Variants in INTS4 observed in about 807,000 individuals in gnomAD.
INTS4 encodes the protein MSTP093.
Under a neutral mutation model 119.5 loss-of-function variants are expected in INTS4, and 70 were observed. The observed-to-expected ratio is 0.59, with a 90% confidence interval of 0.48 to 0.71. The LOEUF is 0.71. INTS4 is among the 30% of genes least tolerant of loss of function. INTS4 has a pLI of 0.00. For missense variants in INTS4, 867 were observed against 1,173.2 expected (o/e 0.74, Z 3.81); for synonymous variants, 316 against 419.6 (o/e 0.75, Z 3.02).
intron 10 of INTS4, among the ~76,000 whole-genome samples, chr11:77,931,283 T>C (rs907326515): frequency 6.6e-6 from 1 of 152,072 alleles, no homozygotes; most frequent in Non-Finnish European, 1.5e-5. Context: ...ATTAGAAGAC[T>C]AGAAGTATGT....
intron 14 of INTS4, among the ~76,000 whole-genome samples, chr11:77,920,424 G>A (rs1234760453): frequency 1.3e-5 from 2 of 151,376 alleles, no homozygotes; most frequent in Non-Finnish European, 2.9e-5. Context: ...CAGCATTCAC[G>A]AAGTGTTTGC....
chr11:77,939,087 T>C (rs1337547219), intron 9 of INTS4, among the ~76,000 whole-genome samples: 2 of 152,246 alleles, frequency 1.3e-5, no homozygotes, highest in Non-Finnish European at 2.9e-5. Flanking sequence ...TTATGTTTGC[T>C]GTGGCAGCAA....
At chr11:77,967,138 GTCT>G (rs758824595) in intron 4 of INTS4, among the ~76,000 whole-genome samples, 13 of 152,032 alleles carry the variant, frequency 8.6e-5, no homozygotes, top group Non-Finnish European at 1.6e-4. Flanking sequence ...CCATCTATAT[GTCT>G]TCTTTGGAAA....
At chr11:77,909,351 C>T (rs1466343028) in intron 15 of INTS4, among the ~76,000 whole-genome samples, 4 of 152,140 alleles carry the variant, frequency 2.6e-5, no homozygotes, top group Non-Finnish European at 5.9e-5. Flanking sequence ...TATAAACAAC[C>T]GAAATTTATT....
In INTS4 at chr11:77,901,371, G is replaced by A. The variant is rs1282192291; in HGVS notation, c.2228+50C>T. On this transcript the variant is annotated intron_variant, in intron 18 of 22. Transcript: ENST00000534064. ...CGTGTGATGTCTGAATGCATTTGAA[G>A]TATCTTTGAAAGGAACATGCCACAT... The A allele has an allele frequency of 2.5e-6, 4 of 1,593,876 alleles. No homozygotes were observed. The Admixed American group carries it at 6.7e-5, about 27-fold the overall frequency.
chr11:77,921,846 C>A (rs1953369042), intron 13 of INTS4, among the ~76,000 whole-genome samples: 1 of 152,106 alleles, frequency 6.6e-6, no homozygotes, highest in Admixed American at 6.5e-5. Context: ...GCCTGGGCAA[C>A]AAGGTAAAAC....
intron 15 of INTS4, 109 bp downstream of exon 15, chr11:77,918,712 A>G (rs1953266921): frequency 1.4e-6 from 2 of 1,466,350 alleles, no homozygotes; most frequent in Middle Eastern, 2.6e-4. Context: ...GTGTGAATGT[A>G]GACCAATAAA....
chr11:77,957,053 C>A (rs1954345869), intron 7 of INTS4, among the ~76,000 whole-genome samples: 1 of 151,984 alleles, frequency 6.6e-6, no homozygotes, highest in African/African-American at 2.4e-5. Context: ...TCCCAGTTCA[C>A]CCTCCTGAGT....
At chr11:77,926,604 C>T (rs1218737474) in intron 11 of INTS4, among the ~76,000 whole-genome samples, 10 of 151,542 alleles carry the variant, frequency 6.6e-5, no homozygotes, top group Non-Finnish European at 1.5e-4. Flanking sequence ...GTCAGGAGTT[C>T]GAGACCAGCC....
intron 22 of INTS4, among the ~76,000 whole-genome samples, chr11:77,883,512 A>C (rs1951872871): frequency 3.3e-5 from 5 of 152,306 alleles, no homozygotes; most frequent in Admixed American, 3.3e-4. Flanking sequence ...GTGACCAAGC[A>C]AGTCGGTGGC....
rs573241894 is a variant in INTS4 at position 77,943,335 on chromosome 11, A to T, written c.919-2084T>A. ...GTCCACAAACACAGAGTCCTATAGCATAGTAATCCACTTGAAAAATGGTGA... is the reference window on the plus strand; with the variant it reads ...GTCCACAAACACAGAGTCCTATAGCTTAGTAATCCACTTGAAAAATGGTGA... On this transcript the variant is annotated intron_variant, in intron 8 of 22. Coordinates refer to ENST00000534064, the MANE Select transcript of INTS4 (RefSeq NM_033547.4). 1.3e-5 allele frequency among the ~76,000 whole-genome samples: 2 copies of T among 152,324 alleles called. 1 individual carries two copies. The highest frequency in any genetic ancestry group is 4.1e-4 in the South Asian group (2 of 4,830).
chr11:77,922,291 C>T, intron 13 of INTS4, 65 bp downstream of exon 13: 2 of 1,509,848 alleles, frequency 1.3e-6, no homozygotes, highest in Non-Finnish European at 1.8e-6. Context: ...CCTAGCTATA[C>T]TGCAGAAGGA....
intron 9 of INTS4, among the ~76,000 whole-genome samples, chr11:77,940,391 A>G (rs1248023040): frequency 1.3e-5 from 2 of 152,166 alleles, no homozygotes; most frequent in Non-Finnish European, 2.9e-5. Flanking sequence ...TGATTGTGCC[A>G]CTGCATTTCA....
chr11:77,987,354 A>T (rs1856496270), intron 2 of INTS4: 1 of 186,130 alleles, frequency 5.4e-6, no homozygotes. Context: ...TGGAATTTAG[A>T]GATAACAATG....
chr11:77,954,283 TA>T (rs972894498), intron 8 of INTS4, among the ~76,000 whole-genome samples: 18 of 151,712 alleles, frequency 1.2e-4, no homozygotes, highest in African/African-American at 2.4e-4. Flanking sequence ...AACAGCATTT[TA>T]AAAAAAAAAT....
At chr11:77,977,221 T>C (rs1343375215) in intron 4 of INTS4, among the ~76,000 whole-genome samples, 1 of 152,146 alleles carries the variant, frequency 6.6e-6, no homozygotes, top group Non-Finnish European at 1.5e-5. Flanking sequence ...AGACTAACAA[T>C]ATGCCCTGCA....
chr11:77,982,908 GGGGCAATAGATA>G (rs1210232244), intron 2 of INTS4, among the ~76,000 whole-genome samples: 7 of 152,200 alleles, frequency 4.6e-5, no homozygotes, highest in African/African-American at 1.7e-4. Context: ...AGCAGGAGAA[GGGGCAATAGATA>G]CAGCGTTGGA....
At chr11:77,922,786 C>A in intron 12 of INTS4, 1 of 364,738 alleles carries the variant, frequency 2.7e-6, no homozygotes, top group South Asian at 2.2e-5. Flanking sequence ...AAGGCAGGTC[C>A]AGCCCAAGAG....
chr11:77,884,936 T>C (rs1393819634), intron 21 of INTS4: 1 of 226,756 alleles, frequency 4.4e-6, no homozygotes, highest in East Asian at 1.1e-4. Flanking sequence ...TTTTTAAATT[T>C]TTTTGTAGAG....
Sources: gnomAD v4.1 joint callset for allele counts (sites outside exome capture counted in the v4.1 genomes callset) on GRCh38, gnomAD v4.1.1 for gene constraint, MANE v1.5 for transcripts, NCBI Gene and HGNC (gene_info 2026-07-23, HGNC 2026-07-21) for gene names.